The following RAD51B variants were observed in gnomAD, a reference collection of about 807,000 sequenced individuals.
RAD51B encodes RAD51 paralog B, also known as DNA repair protein RAD51 homolog 2.
In RAD51B, 38 loss-of-function variants were observed where a neutral mutation model predicts 42.2. That is an observed-to-expected ratio of 0.90 (90% CI 0.70 to 1.18). The LOEUF (loss-of-function observed/expected upper bound fraction) is 1.18. Among genes scored for constraint, RAD51B ranks in the 50% most tolerant of loss-of-function variants. RAD51B has a pLI of 0.00. For synonymous variants in RAD51B, 154 were observed against 145.2 expected (o/e 1.06, Z -0.43); for missense variants, 373 against 400.7 (o/e 0.93, Z 0.59).
chr14:68,009,281 A>G (rs572369885), intron 7 of RAD51B, among the ~76,000 whole-genome samples: 2 of 151,936 alleles, frequency 1.3e-5, no homozygotes, highest in South Asian at 4.1e-4. Flanking sequence ...AGAGAATGGC[A>G]TAGTAAATAA....
At chr14:68,151,806 G>T (rs2078389516) in intron 7 of RAD51B, among the ~76,000 whole-genome samples, 1 of 136,354 alleles carries the variant, frequency 7.3e-6, no homozygotes. Flanking sequence ...TTCAAACATG[G>T]ACTATAGTTA....
chr14:68,404,432 A>G (rs1315947176), intron 8 of RAD51B, among the ~76,000 whole-genome samples: 1 of 152,222 alleles, frequency 6.6e-6, no homozygotes, highest in Non-Finnish European at 1.5e-5. Context: ...TAAATTTCCC[A>G]TCAACAGCAT....
At chr14:68,132,884 C>A (rs564787846) in intron 7 of RAD51B, among the ~76,000 whole-genome samples, 5 of 152,314 alleles carry the variant, frequency 3.3e-5, no homozygotes, top group South Asian at 4.1e-4. Context: ...TGGAAAAATT[C>A]TCTGGTCCAG....
chr14:68,405,865 A>T (rs575944559), intron 8 of RAD51B, among the ~76,000 whole-genome samples: 36 of 151,066 alleles, frequency 2.4e-4, no homozygotes, highest in Admixed American at 2.4e-3. Context: ...TTGAGTGCTT[A>T]ACTAGCAACT....
chr14:68,633,931 A>C (rs1279193663), intron 10 of RAD51B, among the ~76,000 whole-genome samples: 1 of 152,228 alleles, frequency 6.6e-6, no homozygotes, highest in African/African-American at 2.4e-5. Flanking sequence ...GCAACTGCCC[A>C]AGTTACCTTG....
chr14:68,115,368 G>A (rs1250870643), intron 7 of RAD51B, among the ~76,000 whole-genome samples: 11 of 119,352 alleles, frequency 9.2e-5, no homozygotes, highest in Non-Finnish European at 1.5e-4. Flanking sequence ...ACACAGGAAG[G>A]GGAACATCAC....
chr14:68,488,079 G>T (rs2140275932), intron 10 of RAD51B, among the ~76,000 whole-genome samples: 1 of 152,192 alleles, frequency 6.6e-6, no homozygotes, highest in East Asian at 1.9e-4. Context: ...TGAAAACGTG[G>T]GTGGATGGAT....
intron 7 of RAD51B, among the ~76,000 whole-genome samples, chr14:67,963,922 A>G (rs992836308): frequency 2.6e-5 from 4 of 151,812 alleles, no homozygotes; most frequent in Non-Finnish European, 4.4e-5. Flanking sequence ...AGTGAAAGGG[A>G]CTTTGAAAAC....
At chr14:68,369,745 A>T (rs546506758) in intron 8 of RAD51B, among the ~76,000 whole-genome samples, 1 of 152,350 alleles carries the variant, frequency 6.6e-6, no homozygotes, top group Non-Finnish European at 1.5e-5. Flanking sequence ...TGACTAGCTC[A>T]GTACAGGTTG....
chr14:68,238,968 T>G lies in RAD51B; in HGVS notation c.757-52916T>G, dbSNP rs186491658. 8.0e-4 allele frequency among the ~76,000 whole-genome samples: 122 copies of G among 152,356 alleles called. 1 individual carries two copies. Among genetic ancestry groups the G allele is most frequent in the Non-Finnish European group, 1.4e-3 (96 of 68,028 alleles). Reference sequence around the variant, plus strand: ...TGTTCTGTAGCATTCTGTGAACCACTATCAGGAGACACTAGTTCTACAGAA... The same window carrying G: ...TGTTCTGTAGCATTCTGTGAACCACGATCAGGAGACACTAGTTCTACAGAA... On this transcript the variant is annotated intron_variant, in intron 7 of 10. Coordinates refer to ENST00000471583, the MANE Select transcript of RAD51B (RefSeq NM_133510.4).
intron 10 of RAD51B, among the ~76,000 whole-genome samples, chr14:68,549,444 T>C (rs1410252221): frequency 5.2e-4 from 58 of 110,492 alleles, no homozygotes; most frequent in Non-Finnish European, 6.3e-4. Context: ...GAGACGGAGT[T>C]TCGCTCTGTC....
At chr14:68,253,650 A>G (rs759221140) in intron 7 of RAD51B, among the ~76,000 whole-genome samples, 2 of 152,252 alleles carry the variant, frequency 1.3e-5, no homozygotes, top group Admixed American at 6.5e-5. Flanking sequence ...ATGGTAGCTA[A>G]TAAGTGATTT....
chr14:68,223,628 C>G (rs2079974488), intron 7 of RAD51B, among the ~76,000 whole-genome samples: 3 of 152,148 alleles, frequency 2.0e-5, no homozygotes, highest in Admixed American at 2.0e-4. Flanking sequence ...TCTGCCAAAC[C>G]CTTCTCAGAC....
intron 10 of RAD51B, among the ~76,000 whole-genome samples, chr14:68,516,344 C>T (rs996427697): frequency 1.3e-5 from 2 of 152,122 alleles, no homozygotes; most frequent in Admixed American, 6.5e-5. Flanking sequence ...ATAAAAATAA[C>T]TTTTTTAAAA....
intron 7 of RAD51B, among the ~76,000 whole-genome samples, chr14:67,889,371 A>AT (rs2043151922): frequency 6.6e-6 from 1 of 151,152 alleles, no homozygotes; most frequent in African/African-American, 2.4e-5. Context: ...TTTATACTGT[A>AT]CTTTGAACAG....
At chr14:68,348,906 C>G (rs1276142918) in intron 8 of RAD51B, among the ~76,000 whole-genome samples, 4 of 152,166 alleles carry the variant, frequency 2.6e-5, no homozygotes, top group African/African-American at 9.7e-5. Context: ...TAGTTTAGAT[C>G]TGGGATAAAC....
chr14:68,304,307 T>C (rs1235749594), intron 8 of RAD51B, among the ~76,000 whole-genome samples: 1 of 152,352 alleles, frequency 6.6e-6, no homozygotes, highest in East Asian at 1.9e-4. Flanking sequence ...TTAGTGGGGT[T>C]CAATTATCAC....
At chr14:68,642,549 AAGGACC>A (rs1892483765) in intron 10 of RAD51B, among the ~76,000 whole-genome samples, 1 of 152,276 alleles carries the variant, frequency 6.6e-6, no homozygotes. Flanking sequence ...GATGTTTTCA[AAGGACC>A]AGCTTTTGGT....
rs937111594 is a variant in RAD51B, at chr14:68,009,423, T to C, written c.756+122219T>C. ...GCACTATCATTCATCACTTTCTATT[T>C]CCTTATCTTTTTGCCTTTTCTTCAT... On this transcript the variant is annotated intron_variant, in intron 7 of 10. Transcript: ENST00000471583. 1.3e-4 allele frequency among the ~76,000 whole-genome samples: 20 copies of C among 152,082 alleles called. No individual in the cohort carries two copies. The South Asian group carries it at 1.9e-3, about 14-fold the overall frequency.
Sources: allele counts gnomAD v4.1 joint callset (sites outside exome capture counted in the v4.1 genomes callset), GRCh38; gene constraint gnomAD v4.1.1; transcripts MANE v1.5; gene names NCBI Gene and HGNC (gene_info 2026-07-23, HGNC 2026-07-21).